Variants in RBPJ observed in about 807,000 individuals in gnomAD.
RBPJ encodes recombination signal binding protein for immunoglobulin kappa J region, also known as recombining binding protein suppressor of hairless.
In RBPJ, 9 loss-of-function variants were observed where a neutral mutation model predicts 67.8. That is an observed-to-expected ratio of 0.13 (90% CI 0.08 to 0.23). The LOEUF is 0.23. Among genes scored for constraint, RBPJ ranks in the 10% least tolerant of loss-of-function variants. RBPJ has a pLI of 1.00. For missense variants in RBPJ, 305 were observed against 595.6 expected (o/e 0.51, Z 5.08); for synonymous variants, 198 against 203.3 (o/e 0.97, Z 0.22).
chr4:26,210,460 A>G (rs1009869722), intron 1 of RBPJ, among the ~76,000 whole-genome samples: 2 of 152,190 alleles, frequency 1.3e-5, no homozygotes, highest in African/African-American at 4.8e-5. Context: ...GCATCAATTT[A>G]AAGCCATTCC....
chr4:26,348,730 G>T (rs1314036717), intron 1 of RBPJ, among the ~76,000 whole-genome samples: 3 of 151,834 alleles, frequency 2.0e-5, no homozygotes, highest in Non-Finnish European at 4.4e-5. Flanking sequence ...TTGAGACAAG[G>T]TCTCACTTTA....
At chr4:26,109,103 C>CTTTT in the RBPJ span, among the ~76,000 whole-genome samples, 4 of 130,036 alleles carry the variant, frequency 3.1e-5, no homozygotes, top group African/African-American at 2.8e-5. Context: ...TTGCCTTCCT[C>CTTTT]TTTTTTTTTT....
intron 2 of RBPJ, among the ~76,000 whole-genome samples, chr4:26,394,377 A>G (rs546925378): frequency 9.2e-5 from 14 of 151,976 alleles, no homozygotes; most frequent in African/African-American, 2.2e-4. Flanking sequence ...CAGGATGTAT[A>G]TGATAGGAAT....
intron 1 of RBPJ, among the ~76,000 whole-genome samples, chr4:26,305,582 T>C (rs1461788363): frequency 6.6e-6 from 1 of 152,098 alleles, no homozygotes; most frequent in Admixed American, 6.5e-5. Flanking sequence ...TTTAATTTGA[T>C]ACTCTGGATA....
At chr4:26,427,680 C>G (rs1332846596) in intron 7 of RBPJ, among the ~76,000 whole-genome samples, 1 of 152,054 alleles carries the variant, frequency 6.6e-6, no homozygotes, top group African/African-American at 2.4e-5. Flanking sequence ...GTAGTGGCGT[C>G]TTTGAGATAA....
chr4:26,181,060 GC>G (rs1333091681), intron 1 of RBPJ, among the ~76,000 whole-genome samples: 2 of 152,080 alleles, frequency 1.3e-5, no homozygotes, highest in Non-Finnish European at 2.9e-5. Context: ...TTGGTCTTCT[GC>G]CATGACTGTG....
chr4:26,373,654 G>GA (rs1041402835), intron 1 of RBPJ, among the ~76,000 whole-genome samples: 1 of 152,002 alleles, frequency 6.6e-6, no homozygotes, highest in Non-Finnish European at 1.5e-5. Context: ...TTTCAATTTA[G>GA]AAAAAAAGCG....
intron 5 of RBPJ, 52 bp downstream of exon 5, chr4:26,420,777 CAG>C (rs761930683): frequency 3.5e-6 from 5 of 1,419,974 alleles, no homozygotes; most frequent in East Asian, 4.9e-5. Flanking sequence ...ATTAATAAGA[CAG>C]ACTCTTTTTT....
intron 1 of RBPJ, among the ~76,000 whole-genome samples, chr4:26,275,806 A>T (rs1721060017): frequency 6.6e-6 from 1 of 151,402 alleles, no homozygotes; most frequent in Non-Finnish European, 1.5e-5. Context: ...ACTTTTTTGT[A>T]TTTTTAGTAG....
chr4:26,309,987 G>A (rs1722377891), intron 1 of RBPJ, among the ~76,000 whole-genome samples: 1 of 152,166 alleles, frequency 6.6e-6, no homozygotes, highest in South Asian at 2.1e-4. Flanking sequence ...CATCACTAGA[G>A]TAAATGGCCC....
intron 1 of RBPJ, among the ~76,000 whole-genome samples, chr4:26,249,050 A>G (rs1720013787): frequency 6.6e-6 from 1 of 152,206 alleles, no homozygotes; most frequent in South Asian, 2.1e-4. Context: ...GTGTAGTAGT[A>G]GTCTTTTGCC....
chr4:26,162,963 T>G (rs143538685), upstream of RBPJ, among the ~76,000 whole-genome samples: 1,150 of 152,264 alleles, frequency 7.6e-3, 37 homozygotes, highest in Admixed American at 0.066. Context: ...AGGTTAAGCT[T>G]GGAGATGTGG....
chr4:26,184,374 G>A (rs1197286432), intron 1 of RBPJ, among the ~76,000 whole-genome samples: 5 of 152,138 alleles, frequency 3.3e-5, no homozygotes, highest in Admixed American at 2.6e-4. Flanking sequence ...GACAGCCAGG[G>A]AGCAGGGTGG....
At chr4:26,253,464 A>G (rs934666514) in intron 1 of RBPJ, among the ~76,000 whole-genome samples, 1 of 149,436 alleles carries the variant, frequency 6.7e-6, no homozygotes, top group South Asian at 2.1e-4. Context: ...GGCGCCCGCC[A>G]CTACGCCCGG....
At chr4:26,354,250 A>G (rs1266064149) in intron 1 of RBPJ, among the ~76,000 whole-genome samples, 3 of 151,998 alleles carry the variant, frequency 2.0e-5, no homozygotes, top group Non-Finnish European at 4.4e-5. Context: ...AGATCATGAG[A>G]TAATTTATAC....
At chr4:26,409,097 G>T (rs189450151) in intron 3 of RBPJ, among the ~76,000 whole-genome samples, 29 of 152,278 alleles carry the variant, frequency 1.9e-4, no homozygotes, top group African/African-American at 7.0e-4. Context: ...CTTTATTTCT[G>T]ATTGGCTATT....
At chr4:26,254,834 T>A (rs1345095223) in intron 1 of RBPJ, among the ~76,000 whole-genome samples, 1 of 110,298 alleles carries the variant, frequency 9.1e-6, no homozygotes, top group Non-Finnish European at 1.7e-5. Flanking sequence ...CATGCCACCA[T>A]GCCCAGCTAT....
intron 1 of RBPJ, among the ~76,000 whole-genome samples, chr4:26,342,968 G>A (rs1470081834): frequency 6.6e-6 from 1 of 152,134 alleles, no homozygotes; most frequent in Admixed American, 6.5e-5. Flanking sequence ...TTTGTTTTAT[G>A]TAAAACTGTT....
intron 1 of RBPJ, among the ~76,000 whole-genome samples, chr4:26,171,030 T>C (rs1040268339): frequency 6.6e-6 from 1 of 152,218 alleles, no homozygotes; most frequent in African/African-American, 2.4e-5. Context: ...TTTATATTAA[T>C]ACGTGATCTT....
Sources: gnomAD v4.1 joint callset for allele counts (sites outside exome capture counted in the v4.1 genomes callset) on GRCh38, gnomAD v4.1.1 for gene constraint, MANE v1.5 for transcripts, NCBI Gene and HGNC (gene_info 2026-07-23, HGNC 2026-07-21) for gene names.